The following PTAFR variants were observed in gnomAD, a reference collection of about 807,000 sequenced individuals.
The protein encoded by PTAFR is platelet-activating factor receptor.
In PTAFR, 8 loss-of-function variants were observed where a neutral mutation model predicts 14.7. The ratio of observed to expected loss-of-function variants is 0.54; its 90% CI spans 0.32 to 0.98. The LOEUF (loss-of-function observed/expected upper bound fraction) is 0.98, where lower values mean the gene tolerates loss of function less well. PTAFR is among the 50% of genes least tolerant of loss of function. The probability of loss-of-function intolerance (pLI) is 0.04; values close to 1 mark genes in which losing one functional copy is unlikely to be tolerated. For synonymous variants in PTAFR, 156 were observed against 176.5 expected (o/e 0.88, Z 0.92); for missense variants, 337 against 451.2 (o/e 0.75, Z 2.29).
chr1:28,175,301 G>C (rs1487372235), intron 1 of PTAFR, among the ~76,000 whole-genome samples: 1 of 152,108 alleles, frequency 6.6e-6, no homozygotes, highest in Non-Finnish European at 1.5e-5. Flanking sequence ...AGCAGGAGCT[G>C]AGATCGAAAC....
chr1:28,154,106 A>T (rs76082645), intron 1 of PTAFR, among the ~76,000 whole-genome samples: 2 of 141,260 alleles, frequency 1.4e-5, no homozygotes, highest in South Asian at 2.2e-4. Flanking sequence ...AAAAAAAAAA[A>T]GGGAGTGAGA....
rs78403442 is a variant in PTAFR at position 28,163,348 on chromosome 1, G to A, written c.-38-12289C>T. On this transcript the variant is annotated intron_variant, in intron 1 of 1. Coordinates refer to ENST00000373857, the MANE Select transcript of PTAFR (RefSeq NM_000952.5). Reference sequence around the variant, plus strand: ...TCAGACTGGGCACTTCCTGAGGGCAGGGACTAGATCTTTTTCATCTCTTCA... The same window carrying A: ...TCAGACTGGGCACTTCCTGAGGGCAAGGACTAGATCTTTTTCATCTCTTCA... Among the ~76,000 whole-genome samples the A allele has an allele frequency of 4.1e-3, 630 of 152,296 alleles. 5 individuals are homozygous for A. The highest frequency in any genetic ancestry group is 0.015 in the African/African-American group (605 of 41,560).
chr1:28,179,764 AGGAG>A, upstream of PTAFR, among the ~76,000 whole-genome samples: 1 of 152,004 alleles, frequency 6.6e-6, no homozygotes, highest in Non-Finnish European at 1.5e-5. Flanking sequence ...GCTTGAACCC[AGGAG>A]GCGGAGGTTG....
chr1:28,170,368 G>C (rs928282556), intron 1 of PTAFR, among the ~76,000 whole-genome samples: 1 of 151,968 alleles, frequency 6.6e-6, no homozygotes, highest in Admixed American at 6.6e-5. Context: ...TCTTAGATTC[G>C]CTGGGGCCAG....
intron 1 of PTAFR, among the ~76,000 whole-genome samples, chr1:28,157,820 T>C (rs1646282851): frequency 1.3e-5 from 2 of 151,672 alleles, no homozygotes; most frequent in Admixed American, 1.3e-4. Context: ...TTGGTAGAGA[T>C]GGGGTTTCAC....
At chr1:28,152,086 G>A (rs1180245357) in intron 1 of PTAFR, among the ~76,000 whole-genome samples, 4 of 151,960 alleles carry the variant, frequency 2.6e-5, no homozygotes, top group Non-Finnish European at 1.5e-5. Flanking sequence ...TTGTAGGGAA[G>A]GGGTTTTGCT....
chr1:28,163,454 A>G (rs1379111708), intron 1 of PTAFR, among the ~76,000 whole-genome samples: 1 of 152,148 alleles, frequency 6.6e-6, no homozygotes, highest in Non-Finnish European at 1.5e-5. Context: ...GCACAAAGGA[A>G]GTGTGCACAG....
In PTAFR at chr1:28,150,059, G is replaced by A. The variant is rs1299262269; in HGVS notation, c.963C>T (p.Thr321=). The change falls in exon 2 of 2, where the codon ACC becomes ACT. Residue 321 remains threonine, a synonymous_variant. Coordinates refer to ENST00000373857, the MANE Select transcript of PTAFR (RefSeq NM_000952.5). The surrounding 1 kb of genome is among the most constrained non-coding windows in gnomAD (Gnocchi z 6.3). ...CAACCACTTCAGTGACCGTATCCGT[G>A]GTGGCCCGGGAGCATTTCCGGCTAC... ...MRSSRKCSRA[T]TDTVTEVVVP... is the part of the protein sequence containing the mutation. 20 of 1,614,198 alleles carry A rather than the reference G, an allele frequency of 1.2e-5. No individual in the cohort carries two copies. The East Asian group carries it at 4.2e-4, about 34-fold the overall frequency.
rs1042614446 is a variant in PTAFR at position 28,186,151 on chromosome 1, GT to G, written c.-39+7570del. ...CACCACATGCTCGGCTAATTTTTTT[GT>G]TTTGTTTTGTTTAGTAGAGACAGGG... On this transcript the variant is annotated intron_variant, in intron 1 of 1. Coordinates refer to the PTAFR transcript ENST00000305392. Among the ~76,000 whole-genome samples, 30 of 151,884 alleles carry G rather than the reference GT, an allele frequency of 2.0e-4. 1 individual carries two copies. Among genetic ancestry groups the G allele is most frequent in the Admixed American group, 3.3e-4 (5 of 15,248 alleles).
chr1:28,186,562 GAAC>G (rs1214829368), intron 1 of PTAFR, among the ~76,000 whole-genome samples: 2 of 152,160 alleles, frequency 1.3e-5, no homozygotes, highest in East Asian at 1.9e-4. Flanking sequence ...GCATATATAT[GAAC>G]AACAAGGATA....
chr1:28,175,070 C>T lies in PTAFR; in HGVS notation c.-39+1522G>A, dbSNP rs563902219. Among the ~76,000 whole-genome samples, 6 of 152,156 alleles carry T rather than the reference C, an allele frequency of 3.9e-5. No homozygotes were observed. In the East Asian group the frequency reaches 9.7e-4, roughly 25 times the overall value. ...GCCTCCCGAGTAGCACCCGCCACCA[C>T]GCCCAGCTAATTTTTGTATTTTTAG... On this transcript the variant is annotated intron_variant, in intron 1 of 1. Coordinates refer to ENST00000373857, the MANE Select transcript of PTAFR (RefSeq NM_000952.5).
At chr1:28,180,690 A>G (rs1156635036), upstream of PTAFR, among the ~76,000 whole-genome samples, 1 of 152,230 alleles carries the variant, frequency 6.6e-6, no homozygotes, top group Admixed American at 6.5e-5. Flanking sequence ...AGAAACTGGT[A>G]TATGGACAGG....
chr1:28,163,062 C>T (rs1438829295), intron 1 of PTAFR, among the ~76,000 whole-genome samples: 1 of 152,136 alleles, frequency 6.6e-6, no homozygotes, highest in African/African-American at 2.4e-5. Context: ...CTGAATTTCT[C>T]GCTGCTTCCC....
chr1:28,162,829 CAAAAAAAAAAAA>C (rs529755155), intron 1 of PTAFR, among the ~76,000 whole-genome samples: 10 of 59,162 alleles, frequency 1.7e-4, no homozygotes, highest in Admixed American at 1.2e-3. Flanking sequence ...ACTTTGTCTC[CAAAAAAAAAAAA>C]AAAAAAAAAA....
chr1:28,152,616 G>A (rs551146435), intron 1 of PTAFR, among the ~76,000 whole-genome samples: 7 of 152,230 alleles, frequency 4.6e-5, no homozygotes, highest in East Asian at 1.9e-4. Flanking sequence ...GGTGGCAGGC[G>A]CCTGTAATCC....
At chr1:28,183,644 T>C (rs1339374964) in intron 1 of PTAFR, among the ~76,000 whole-genome samples, 5 of 151,250 alleles carry the variant, frequency 3.3e-5, no homozygotes, top group Admixed American at 6.6e-5. Flanking sequence ...TATGTGTGTG[T>C]GTAATAGGTA....
chr1:28,182,580 G>A (rs777140011), intron 1 of PTAFR, among the ~76,000 whole-genome samples: 1 of 151,420 alleles, frequency 6.6e-6, no homozygotes, highest in Non-Finnish European at 1.5e-5. Flanking sequence ...ATGGCAGAGT[G>A]AGACCCTGTC....
At chr1:28,168,068 C>G (rs1331913268) in intron 1 of PTAFR, among the ~76,000 whole-genome samples, 1 of 150,412 alleles carries the variant, frequency 6.6e-6, no homozygotes, top group Non-Finnish European at 1.5e-5. Flanking sequence ...ACGCCATTCT[C>G]CCGCCTCAGT....
intron 1 of PTAFR, among the ~76,000 whole-genome samples, chr1:28,175,581 A>G (rs1646503915): frequency 6.6e-6 from 1 of 151,904 alleles, no homozygotes; most frequent in Admixed American, 6.6e-5. Flanking sequence ...GAGTGAGTGC[A>G]CAGCCCCATG....
Sources: gnomAD v4.1 joint callset for allele counts (sites outside exome capture counted in the v4.1 genomes callset) on GRCh38, gnomAD v4.1.1 for gene constraint, Gnocchi (gnomAD v3.1) non-coding constraint, MANE v1.5 for transcripts, NCBI Gene and HGNC (gene_info 2026-07-23, HGNC 2026-07-21) for gene names.